The following NRXN3 variants were observed in gnomAD, a reference collection of about 807,000 sequenced individuals.
NRXN3 encodes the protein neurexin 3.
NRXN3 carries 32 observed loss-of-function variants against 137.6 expected under a neutral mutation model. The observed-to-expected ratio is 0.23, with a 90% confidence interval of 0.18 to 0.31. NRXN3 has a LOEUF of 0.31. Ranked by LOEUF, NRXN3 falls within the 10% of genes least tolerant of loss-of-function variation. The pLI is 1.00. For synonymous variants in NRXN3, 798 were observed against 784.5 expected (o/e 1.02, Z -0.29); for missense variants, 1,574 against 2,062.5 (o/e 0.76, Z 4.59).
chr14:78,251,628 A>C (rs56007990), intron 2 of NRXN3, among the ~76,000 whole-genome samples: 7,062 of 152,240 alleles, frequency 0.046, 523 homozygotes, highest in African/African-American at 0.16. Flanking sequence ...CCATAGGTGG[A>C]CGAATCAGAG....
chr14:79,860,534 C>A (rs2099412035), intron 20 of NRXN3, among the ~76,000 whole-genome samples: 1 of 152,190 alleles, frequency 6.6e-6, no homozygotes, highest in South Asian at 2.1e-4. Flanking sequence ...ACAAAAGACA[C>A]AATCTTTTAT....
At chr14:78,622,983 G>C (rs1406675120) in intron 4 of NRXN3, among the ~76,000 whole-genome samples, 2 of 152,108 alleles carry the variant, frequency 1.3e-5, no homozygotes, top group South Asian at 2.1e-4. Flanking sequence ...AGTGCTTTCT[G>C]TATATTATGT....
intron 8 of NRXN3, among the ~76,000 whole-genome samples, chr14:78,763,871 C>A (rs1004939733): frequency 4.6e-5 from 7 of 152,134 alleles, no homozygotes; most frequent in Non-Finnish European, 8.8e-5. Context: ...AATCCCTTGG[C>A]ATTTCTTCCT....
intron 10 of NRXN3, 99 bp downstream of exon 10, chr14:78,810,443 AT>A (rs1350946636): frequency 2.9e-6 from 1 of 347,644 alleles, no homozygotes; most frequent in East Asian, 1.7e-4. Flanking sequence ...TATTTGAATT[AT>A]TTTTTCTTTT....
At chr14:79,250,938 T>A (rs1460631373) in intron 15 of NRXN3, among the ~76,000 whole-genome samples, 1 of 152,164 alleles carries the variant, frequency 6.6e-6, no homozygotes, top group Non-Finnish European at 1.5e-5. Context: ...AAATAGTAAG[T>A]TTCAGTAACT....
intron 10 of NRXN3, among the ~76,000 whole-genome samples, chr14:78,813,302 G>T (rs1175630089): frequency 6.6e-6 from 1 of 152,132 alleles, no homozygotes; most frequent in Non-Finnish European, 1.5e-5. Flanking sequence ...TCTTCTTATT[G>T]ACTCCATGTC....
chr14:79,440,518 A>G (rs1315574801), intron 15 of NRXN3, among the ~76,000 whole-genome samples: 1 of 152,218 alleles, frequency 6.6e-6, no homozygotes, highest in Non-Finnish European at 1.5e-5. Context: ...ATCATAACAA[A>G]TTTGTAATTT....
chr14:78,342,869 G>A (rs2082290302), intron 4 of NRXN3, among the ~76,000 whole-genome samples: 1 of 152,146 alleles, frequency 6.6e-6, no homozygotes, highest in African/African-American at 2.4e-5. Context: ...AAAACAGGGG[G>A]TGGTTAATAA....
At chr14:78,180,349 G>GA (rs941339992) in intron 1 of NRXN3, among the ~76,000 whole-genome samples, 3 of 151,852 alleles carry the variant, frequency 2.0e-5, no homozygotes, top group Admixed American at 6.6e-5. Flanking sequence ...GGGAAAAAAA[G>GA]AAAAAAAATG....
At chr14:79,245,054 G>A (rs1421281166) in intron 15 of NRXN3, among the ~76,000 whole-genome samples, 1 of 152,094 alleles carries the variant, frequency 6.6e-6, no homozygotes, top group Non-Finnish European at 1.5e-5. Flanking sequence ...CGAGTTCTTT[G>A]GCCCTGGGAC....
chr14:79,122,346 AG>A (rs1400630628), intron 15 of NRXN3, among the ~76,000 whole-genome samples: 7 of 152,138 alleles, frequency 4.6e-5, no homozygotes, highest in Non-Finnish European at 7.4e-5. Flanking sequence ...AACTGGCCAG[AG>A]GCATGTTCTG....
chr14:79,379,168 A>G (rs2094393962), intron 15 of NRXN3, among the ~76,000 whole-genome samples: 1 of 152,032 alleles, frequency 6.6e-6, no homozygotes, highest in Admixed American at 6.6e-5. Flanking sequence ...CCAGGAAAAA[A>G]TTTTAACTTA....
At chr14:78,867,920 A>C (rs1596679239) in intron 10 of NRXN3, among the ~76,000 whole-genome samples, 1 of 150,458 alleles carries the variant, frequency 6.6e-6, no homozygotes, top group East Asian at 1.9e-4. Context: ...TTATGAATGA[A>C]TATAAATTTT....
At chr14:78,756,261 G>T (rs535485500) in intron 8 of NRXN3, among the ~76,000 whole-genome samples, 57 of 152,274 alleles carry the variant, frequency 3.7e-4, no homozygotes, top group African/African-American at 1.3e-3. Flanking sequence ...GCTGAGGTGG[G>T]CAGATCACCT....
chr14:79,483,995 C>T, intron 16 of NRXN3, among the ~76,000 whole-genome samples: 1 of 152,164 alleles, frequency 6.6e-6, no homozygotes, highest in Non-Finnish European at 1.5e-5. Flanking sequence ...TGTTCTGCTT[C>T]CTTTTATCTT....
chr14:78,907,643 A>G (rs1419409308), intron 10 of NRXN3, among the ~76,000 whole-genome samples: 1 of 152,016 alleles, frequency 6.6e-6, no homozygotes, highest in Non-Finnish European at 1.5e-5. Context: ...AGAAGAACAT[A>G]TTTTTTAACT....
chr14:78,270,658 A>G (rs1039472291), intron 2 of NRXN3, among the ~76,000 whole-genome samples: 10 of 152,210 alleles, frequency 6.6e-5, no homozygotes, highest in African/African-American at 2.4e-4. Flanking sequence ...AGCCAGCAGA[A>G]ACAGTAATAA....
At chr14:78,382,152 T>C (rs2089241292) in intron 4 of NRXN3, among the ~76,000 whole-genome samples, 1 of 152,130 alleles carries the variant, frequency 6.6e-6, no homozygotes, top group Non-Finnish European at 1.5e-5. Context: ...TAACTCAATA[T>C]AAAAAAAGTA....
chr14:78,649,594 G>A (rs887634477), intron 5 of NRXN3, among the ~76,000 whole-genome samples: 1 of 143,376 alleles, frequency 7.0e-6, no homozygotes, highest in Non-Finnish European at 1.5e-5. Context: ...TCTCTATTTG[G>A]CTAAATTTGT....
Sources: allele counts gnomAD v4.1 joint callset (sites outside exome capture counted in the v4.1 genomes callset), GRCh38; gene constraint gnomAD v4.1.1; transcripts MANE v1.5; gene names NCBI Gene and HGNC (gene_info 2026-07-23, HGNC 2026-07-21).